The following RIMS2 variants were observed in gnomAD, a reference collection of about 807,000 sequenced individuals.
The protein encoded by RIMS2 is regulating synaptic membrane exocytosis 2.
Under a neutral mutation model 174.4 loss-of-function variants are expected in RIMS2, and 59 were observed. The observed-to-expected ratio is 0.34, with a 90% confidence interval of 0.27 to 0.42. The LOEUF (loss-of-function observed/expected upper bound fraction) is 0.42. RIMS2 is among the 10% of genes least tolerant of loss of function. The pLI is 1.00. For missense variants in RIMS2, 1,620 were observed against 1,666.3 expected (o/e 0.97, Z 0.48); for synonymous variants, 606 against 572.5 (o/e 1.06, Z -0.84).
chr8:103,870,952 A>G (rs1162258372), intron 3 of RIMS2, among the ~76,000 whole-genome samples: 1 of 152,210 alleles, frequency 6.6e-6, no homozygotes, highest in Non-Finnish European at 1.5e-5. Context: ...CATGTTTTAT[A>G]AGCCTTTTTC....
intron 19 of RIMS2, among the ~76,000 whole-genome samples, chr8:104,029,140 T>G (rs1157097745): frequency 1.3e-5 from 2 of 152,198 alleles, no homozygotes; most frequent in Non-Finnish European, 2.9e-5. Flanking sequence ...CCTTTTAGCA[T>G]GCTAATGCAT....
chr8:103,532,998 T>C (rs1837959893), intron 1 of RIMS2, among the ~76,000 whole-genome samples: 1 of 152,186 alleles, frequency 6.6e-6, no homozygotes, highest in African/African-American at 2.4e-5. Flanking sequence ...AGGAATATAA[T>C]ATATGTTGAC....
chr8:104,013,113 G>T (rs2095810471), intron 17 of RIMS2, among the ~76,000 whole-genome samples: 2 of 152,258 alleles, frequency 1.3e-5, no homozygotes, highest in South Asian at 4.1e-4. Flanking sequence ...AAAAGTCATT[G>T]AATTCTTTTA....
chr8:103,528,732 T>A lies in RIMS2; in HGVS notation c.176+27670T>A, dbSNP rs577119114. 2.6e-5 allele frequency among the ~76,000 whole-genome samples: 4 copies of A among 152,260 alleles called. No homozygotes were observed. In the South Asian group the frequency reaches 6.2e-4, roughly 24 times the overall value. Reference sequence around the variant, plus strand: ...TGTAGTATTATTTCTGAGGGCTCTGTTCTGTTTCATTGGTCTATATCTCTG... The same window carrying A: ...TGTAGTATTATTTCTGAGGGCTCTGATCTGTTTCATTGGTCTATATCTCTG... On this transcript the variant is annotated intron_variant, in intron 1 of 23. Transcript: ENST00000504942.
At chr8:103,502,964 G>A (rs1045348773) in intron 1 of RIMS2, among the ~76,000 whole-genome samples, 1 of 151,746 alleles carries the variant, frequency 6.6e-6, no homozygotes, top group Non-Finnish European at 1.5e-5. Context: ...GGTTTTTCAG[G>A]TAGCTACATA....
intron 17 of RIMS2, among the ~76,000 whole-genome samples, chr8:103,991,092 A>G (rs542339309): frequency 1.3e-5 from 2 of 151,828 alleles, no homozygotes; most frequent in Non-Finnish European, 2.9e-5. Flanking sequence ...GTGCATTTTT[A>G]TGGTCTGTCC....
chr8:104,222,811 C>A lies in RIMS2; in HGVS notation c.3335-22105C>A, dbSNP rs192672451. On this transcript the variant is annotated intron_variant, in intron 19 of 23. Transcript: ENST00000504942. ...GATTATTTAATTTAGAGAAAGAAGG[C>A]AATAAAAATTCCTAAAATTAAAACA... Among the ~76,000 whole-genome samples, 280 of 152,260 alleles carry A rather than the reference C, an allele frequency of 1.8e-3. 1 individual carries two copies. The highest frequency in any genetic ancestry group is 6.0e-3 in the South Asian group (29 of 4,822).
At position 103,896,311 on chromosome 8, in the gene RIMS2, C is replaced by T. The variant is rs1003594264; in HGVS notation, c.1624+10088C>T. Among the ~76,000 whole-genome samples, 85 of 151,756 alleles carry T rather than the reference C, an allele frequency of 5.6e-4. 5 individuals carry two copies. The highest frequency in any genetic ancestry group is 2.0e-3 in the African/African-American group (83 of 41,140). On this transcript the variant is annotated intron_variant, in intron 4 of 23. Coordinates refer to ENST00000504942, the Ensembl canonical transcript of RIMS2. ...GGTAGCAAAAAAGCTGCTGGTTTTC[C>T]CAGCCATCCTCACGCTGATAGATTT...
At chr8:103,505,494 G>A (rs1316097088) in intron 1 of RIMS2, among the ~76,000 whole-genome samples, 2 of 151,562 alleles carry the variant, frequency 1.3e-5, no homozygotes, top group Non-Finnish European at 2.9e-5. Flanking sequence ...CATATTTGTG[G>A]GTATTTAAGT....
intron 3 of RIMS2, among the ~76,000 whole-genome samples, chr8:103,771,222 G>A (rs1244047768): frequency 1.3e-5 from 2 of 152,086 alleles, no homozygotes; most frequent in Admixed American, 1.3e-4. Context: ...TATCAACTTA[G>A]ATGCAAAATA....
At chr8:103,628,168 A>G (rs1004067758) in intron 1 of RIMS2, among the ~76,000 whole-genome samples, 2 of 152,150 alleles carry the variant, frequency 1.3e-5, no homozygotes, top group Middle Eastern at 3.2e-3. Flanking sequence ...AAAAGAAACT[A>G]TGGCTGGTTC....
chr8:103,553,765 C>T (rs1849132165), intron 1 of RIMS2, among the ~76,000 whole-genome samples: 2 of 151,626 alleles, frequency 1.3e-5, no homozygotes, highest in African/African-American at 4.8e-5. Flanking sequence ...AGTAAAAAAA[C>T]AAAGCTGAAG....
intron 19 of RIMS2, among the ~76,000 whole-genome samples, chr8:104,132,177 T>C (rs531181909): frequency 1.3e-5 from 2 of 152,288 alleles, no homozygotes; most frequent in South Asian, 4.1e-4. Flanking sequence ...TTTTAGAGTA[T>C]TTGTTATTTT....
chr8:103,698,231 A>AT lies in RIMS2; in HGVS notation c.387+943dup, dbSNP rs1048531560. 3.5e-4 allele frequency among the ~76,000 whole-genome samples: 53 copies of AT among 152,054 alleles called. 1 individual carries two copies. Among genetic ancestry groups the AT allele is most frequent in the African/African-American group, 1.7e-4 (7 of 41,404 alleles). Reference sequence around the variant, plus strand: ...GTTTCCCCTGGATTACCTGATTATGATTTTTTTTCTTGACTAGGTACATTG... The same window carrying AT: ...GTTTCCCCTGGATTACCTGATTATGATTTTTTTTTCTTGACTAGGTACATTG... On this transcript the variant is annotated intron_variant, in intron 2 of 23. Coordinates refer to ENST00000504942, the Ensembl canonical transcript of RIMS2.
At chr8:103,806,677 T>C (rs2098652345) in intron 3 of RIMS2, among the ~76,000 whole-genome samples, 1 of 151,892 alleles carries the variant, frequency 6.6e-6, no homozygotes, top group African/African-American at 2.4e-5. Context: ...ACAAGATTAA[T>C]GCACCGAGAA....
intron 1 of RIMS2, among the ~76,000 whole-genome samples, chr8:103,577,668 G>T (rs2093344870): frequency 6.6e-6 from 1 of 151,754 alleles, no homozygotes; most frequent in Admixed American, 6.6e-5. Flanking sequence ...TTCATTTCTT[G>T]GTATTTACAC....
chr8:103,830,451 C>T (rs1388096119), intron 3 of RIMS2, among the ~76,000 whole-genome samples: 1 of 151,984 alleles, frequency 6.6e-6, no homozygotes, highest in Non-Finnish European at 1.5e-5. Flanking sequence ...TTTATGATGA[C>T]ATTTTATTCT....
At chr8:103,635,516 C>T (rs545563496) in intron 1 of RIMS2, among the ~76,000 whole-genome samples, 9 of 152,332 alleles carry the variant, frequency 5.9e-5, no homozygotes, top group East Asian at 5.8e-4. Flanking sequence ...CTAGTCACCT[C>T]GGATCTTCCA....
At chr8:103,576,757 C>G (rs1467014771) in intron 1 of RIMS2, among the ~76,000 whole-genome samples, 1 of 152,154 alleles carries the variant, frequency 6.6e-6, no homozygotes, top group Admixed American at 6.5e-5. Context: ...ACAGAGGCCT[C>G]AGAAATAACA....
Sources: allele counts gnomAD v4.1 joint callset (sites outside exome capture counted in the v4.1 genomes callset), GRCh38; gene constraint gnomAD v4.1.1; transcripts MANE v1.5; gene names NCBI Gene and HGNC (gene_info 2026-07-23, HGNC 2026-07-21).